Variants in IGDCC3 observed in about 807,000 individuals in gnomAD.
The protein encoded by IGDCC3 is putative neuronal cell adhesion molecule.
Under a neutral mutation model 72.0 loss-of-function variants are expected in IGDCC3, and 47 were observed. That is an observed-to-expected ratio of 0.65 (90% CI 0.52 to 0.83). The LOEUF (loss-of-function observed/expected upper bound fraction) is 0.83, where lower values mean the gene tolerates loss of function less well. Among genes scored for constraint, IGDCC3 ranks in the 40% least tolerant of loss-of-function variants. The pLI is 0.00. For synonymous variants in IGDCC3, 477 were observed against 472.8 expected (o/e 1.01, Z -0.11); for missense variants, 1,038 against 1,091.3 (o/e 0.95, Z 0.69).
chr15:65,370,628 A>C (rs1170974171), intron 2 of IGDCC3, among the ~76,000 whole-genome samples: 9 of 144,204 alleles, frequency 6.2e-5, no homozygotes, highest in Admixed American at 5.6e-4. Context: ...GTGTATATAT[A>C]TATATATATA....
intron 3 of IGDCC3, 130 bp from the exon 4 acceptor site, chr15:65,335,551 T>C: frequency 5.9e-6 from 6 of 1,018,070 alleles, no homozygotes; most frequent in Non-Finnish European, 8.8e-6. Flanking sequence ...AGACACACAC[T>C]GGGACTTTCA....
intron 2 of IGDCC3, among the ~76,000 whole-genome samples, chr15:65,369,028 T>C (rs981377265): frequency 3.3e-5 from 5 of 152,042 alleles, no homozygotes; most frequent in African/African-American, 1.2e-4. Context: ...AGGAGACAGA[T>C]GGAATATCCA....
intron 2 of IGDCC3, among the ~76,000 whole-genome samples, chr15:65,350,652 G>A (rs1170735495): frequency 3.9e-5 from 6 of 151,946 alleles, no homozygotes; most frequent in African/African-American, 1.5e-4. Flanking sequence ...AGTAGAGATA[G>A]GGTTTAACTG....
chr15:65,368,115 G>A (rs891962531), intron 2 of IGDCC3, among the ~76,000 whole-genome samples: 3 of 150,468 alleles, frequency 2.0e-5, no homozygotes, highest in African/African-American at 4.9e-5. Context: ...TGAAAGCTAT[G>A]GAGAACAGCC....
At position 65,330,365 on chromosome 15, in the gene IGDCC3, C is replaced by A. The variant is rs774497907; in HGVS notation, c.1786G>T (p.Ala596Ser). The A allele has an allele frequency of 2.5e-6, 4 of 1,613,902 alleles. No individual in the cohort carries two copies. Among genetic ancestry groups the A allele is most frequent in the Non-Finnish European group, 3.4e-6 (4 of 1,179,946 alleles). The change falls in exon 11 of 14, where the codon GCC becomes TCC. Residue 596 changes from alanine (A) to serine (S), a missense_variant. Physicochemically the swap from Ala to Ser is moderately conservative, Grantham distance 99. Transcript: ENST00000327987. Reference sequence around the variant, plus strand: ...TTGCCATCTCCATGCTGGTTGTAGGCGAGCAGCTTCACCTCATACACTGCA... The same window carrying A: ...TTGCCATCTCCATGCTGGTTGTAGGAGAGCAGCTTCACCTCATACACTGCA... ...PTAVYEVKLL[A>S]YNQHGDGNAT...
intron 2 of IGDCC3, among the ~76,000 whole-genome samples, chr15:65,362,093 A>G (rs2091265630): frequency 1.3e-5 from 2 of 152,230 alleles, no homozygotes; most frequent in Middle Eastern, 3.4e-3. Flanking sequence ...CATTAAAAAA[A>G]AAAAAGAAGT....
chr15:65,331,317 G>A, intron 8 of IGDCC3, 95 bp downstream of exon 8: 2 of 1,564,366 alleles, frequency 1.3e-6, no homozygotes, highest in Non-Finnish European at 8.7e-7. Context: ...ACAGCGGGGA[G>A]AAGGAAAGGG....
intron 2 of IGDCC3, among the ~76,000 whole-genome samples, chr15:65,336,986 A>T (rs548241017): frequency 6.6e-6 from 1 of 151,998 alleles, no homozygotes; most frequent in Non-Finnish European, 1.5e-5. Flanking sequence ...ATCAACTGGG[A>T]CAGTCGCTCC....
At chr15:65,333,563 T>G (rs1284264331) in intron 5 of IGDCC3, 148 bp from the exon 6 acceptor site, 16 of 718,854 alleles carry the variant, frequency 2.2e-5, no homozygotes, top group Non-Finnish European at 3.5e-5. Flanking sequence ...CTAGGCACCT[T>G]AACATGGAAG....
At position 65,339,061 on chromosome 15, in the gene IGDCC3, C is replaced by A. The variant is rs1360948800; in HGVS notation, c.410-3105G>T. Among the ~76,000 whole-genome samples, 1 of 152,042 alleles carries A rather than the reference C, an allele frequency of 6.6e-6. No individual in the cohort carries two copies. Among genetic ancestry groups the A allele is most frequent in the Non-Finnish European group, 1.5e-5 (1 of 68,020 alleles). ...GGGACCACAAGCGCGCACCACCACGCCCAGCTAATTTTTTAATTTCTTTTT... is the reference window on the plus strand; with the variant it reads ...GGGACCACAAGCGCGCACCACCACGACCAGCTAATTTTTTAATTTCTTTTT... On this transcript the variant is annotated intron_variant, in intron 2 of 13. Transcript: ENST00000327987. This position sits in a 1 kb window ranked among gnomAD's most constrained non-coding sequence, Gnocchi z 4.1.
intron 2 of IGDCC3, among the ~76,000 whole-genome samples, chr15:65,337,331 G>T (rs148927277): frequency 6.6e-6 from 1 of 152,190 alleles, no homozygotes; most frequent in African/African-American, 2.4e-5. Context: ...GGGTGTGTGC[G>T]CCTCTTTGTA....
intron 2 of IGDCC3, among the ~76,000 whole-genome samples, chr15:65,355,526 G>T (rs2091210854): frequency 6.7e-6 from 1 of 149,766 alleles, no homozygotes; most frequent in Admixed American, 6.6e-5. Flanking sequence ...CCCGGAGGAC[G>T]CGGCGGGCCC....
At chr15:65,349,827 A>G (rs990681777) in intron 2 of IGDCC3, among the ~76,000 whole-genome samples, 54 of 152,342 alleles carry the variant, frequency 3.5e-4, no homozygotes, top group African/African-American at 1.2e-3. Context: ...CAAGCTCAAA[A>G]TTAACTACTC....
At chr15:65,375,635 G>A (rs750363688) in intron 1 of IGDCC3, among the ~76,000 whole-genome samples, 20 of 152,208 alleles carry the variant, frequency 1.3e-4, no homozygotes, top group African/African-American at 4.6e-4. Flanking sequence ...GATATTATTT[G>A]TACTATTTCC....
At chr15:65,343,779 C>G (rs1480343731) in intron 2 of IGDCC3, among the ~76,000 whole-genome samples, 3 of 152,226 alleles carry the variant, frequency 2.0e-5, no homozygotes, top group Non-Finnish European at 4.4e-5. Flanking sequence ...ATGTCAAATG[C>G]TCTTTAAACT....
chr15:65,327,732 C>T lies in IGDCC3; in HGVS notation c.*1177G>A, dbSNP rs1295536219. 1 of 152,596 alleles carries T rather than the reference C, an allele frequency of 6.6e-6. No individual in the cohort carries two copies. Among genetic ancestry groups the T allele is most frequent in the Non-Finnish European group, 1.5e-5 (1 of 68,052 alleles). 9.5% of individuals were successfully genotyped at this position (152,596 alleles called of 1,614,324 possible). On this transcript the variant is annotated 3_prime_UTR_variant, in exon 14 of 14. Transcript: ENST00000327987. ...CATGGCTGCTGACAGTGGATGCTCC[C>T]CTGTCGAGGGGTGGATCAGGCTGGC...
In IGDCC3 at chr15:65,377,691, C is replaced by T; in HGVS notation, c.98G>A (p.Ser33Asn). ...TCCGGGGCGCTTTCACTCACCCTCG[C>T]TCGGCGCGGGCAGCAGCAGCAACAG... ...PLLLLLLPAP[S>N]EGLGHSAELA... Residue 33 changes from serine (S) to asparagine (N), a missense_variant, in exon 1 of 14, where the codon AGC (serine) becomes AAC (asparagine). Coordinates refer to ENST00000327987, the MANE Select transcript of IGDCC3 (RefSeq NM_004884.4). This position sits in a 1 kb window ranked among gnomAD's most constrained non-coding sequence, Gnocchi z 4.9. 1 of 1,429,252 alleles carries T rather than the reference C, an allele frequency of 7.0e-7. No homozygotes were observed. Among genetic ancestry groups the T allele is most frequent in the South Asian group, 1.5e-5 (1 of 68,586 alleles). 88.5% of individuals were successfully genotyped at this position (1,429,252 alleles called of 1,614,324 possible).
intron 2 of IGDCC3, among the ~76,000 whole-genome samples, chr15:65,374,545 A>G (rs958981933): frequency 1.3e-5 from 2 of 152,190 alleles, no homozygotes; most frequent in African/African-American, 4.8e-5. Context: ...GAGTGATGTC[A>G]TCATTGAGAT....
chr15:65,355,898 C>G, intron 2 of IGDCC3: 1 of 309,094 alleles, frequency 3.2e-6, no homozygotes, highest in Non-Finnish European at 7.1e-6. Flanking sequence ...GGGCCCGGCC[C>G]CGGCGCACTC....
Sources: allele counts gnomAD v4.1 joint callset (sites outside exome capture counted in the v4.1 genomes callset), GRCh38; gene constraint gnomAD v4.1.1; non-coding constraint Gnocchi (gnomAD v3.1); transcripts MANE v1.5; gene names NCBI Gene and HGNC (gene_info 2026-07-23, HGNC 2026-07-21).